The following BABAM2 variants were observed in gnomAD, a reference collection of about 807,000 sequenced individuals.
The protein encoded by BABAM2 is BRISC and BRCA1-A complex member 2.
Under a neutral mutation model 54.7 loss-of-function variants are expected in BABAM2, and 31 were observed. The ratio of observed to expected loss-of-function variants is 0.57; its 90% CI spans 0.43 to 0.77. The LOEUF (loss-of-function observed/expected upper bound fraction) is 0.77, where lower values mean the gene tolerates loss of function less well. Among genes scored for constraint, BABAM2 ranks in the 30% least tolerant of loss-of-function variants. BABAM2 has a pLI of 0.00. For missense variants in BABAM2, 364 were observed against 455.8 expected (o/e 0.80, Z 1.83); for synonymous variants, 167 against 162.9 (o/e 1.03, Z -0.19).
intron 6 of BABAM2, among the ~76,000 whole-genome samples, chr2:28,100,782 G>C (rs1178241785): frequency 6.6e-6 from 1 of 152,206 alleles, no homozygotes; most frequent in African/African-American, 2.4e-5. Context: ...AGTGTGGGCT[G>C]TTGGTCCATG....
At chr2:27,920,640 G>A (rs910952540) in intron 2 of BABAM2, among the ~76,000 whole-genome samples, 5 of 152,156 alleles carry the variant, frequency 3.3e-5, no homozygotes, top group African/African-American at 9.7e-5. Context: ...CTCAGCTGAT[G>A]TTAAATATTG....
At chr2:28,225,526 A>G (rs1168890075) in intron 7 of BABAM2, among the ~76,000 whole-genome samples, 1 of 152,142 alleles carries the variant, frequency 6.6e-6, no homozygotes, top group East Asian at 1.9e-4. Context: ...CTCTTTTTGC[A>G]CTGTGAAAAG....
At position 28,315,421 on chromosome 2, in the gene BABAM2, T is replaced by TTTTTCTTTTCTTTTCTTTTC. The variant is rs3032180; in HGVS notation, c.1088+16976_1088+16995dup. The stretch of plus-strand genomic sequence containing the variant: ...GGTATTTCTTTGTGTGTGTGGTTCT[T>TTTTTCTTTTCTTTTCTTTTC]TTTTCTTTTCTTTTCTTTTCTTTTC... On this transcript the variant is annotated intron_variant, in intron 11 of 11. Coordinates refer to ENST00000379624, the MANE Select transcript of BABAM2 (RefSeq NM_199191.3). Among the ~76,000 whole-genome samples, 416 of 110,198 alleles carry TTTTTCTTTTCTTTTCTTTTC rather than the reference T, an allele frequency of 3.8e-3. 7 individuals are homozygous for TTTTTCTTTTCTTTTCTTTTC. Among genetic ancestry groups the TTTTTCTTTTCTTTTCTTTTC allele is most frequent in the East Asian group, 6.9e-3 (27 of 3,936 alleles). The allele number at this position is 110,198 out of a possible 152,430, so 72.3% of individuals were successfully genotyped here.
intron 11 of BABAM2, among the ~76,000 whole-genome samples, chr2:28,314,294 C>T (rs1051500564): frequency 4.6e-5 from 7 of 152,010 alleles, no homozygotes; most frequent in Non-Finnish European, 7.4e-5. Context: ...AAATTGAGAC[C>T]CTGCAAAAGG....
chr2:28,171,129 A>ATC (rs947774140), intron 7 of BABAM2, among the ~76,000 whole-genome samples: 9 of 151,704 alleles, frequency 5.9e-5, no homozygotes, highest in South Asian at 2.1e-4. Flanking sequence ...ATATATATAT[A>ATC]TCTTGGAGAT....
intron 10 of BABAM2, among the ~76,000 whole-genome samples, chr2:28,265,718 G>A (rs1490703492): frequency 1.3e-5 from 2 of 152,068 alleles, no homozygotes; most frequent in Non-Finnish European, 2.9e-5. Context: ...CTAAGCCTTT[G>A]AGAAAAACAA....
intron 7 of BABAM2, among the ~76,000 whole-genome samples, chr2:28,182,686 C>T (rs1435427263): frequency 6.6e-6 from 1 of 152,240 alleles, no homozygotes; most frequent in Non-Finnish European, 1.5e-5. Context: ...TGTACACCAA[C>T]TGTTGTTTGT....
rs534492795 is a variant in BABAM2, at chr2:27,995,119, G to C, written c.300+7032G>C. Among the ~76,000 whole-genome samples, 1 of 152,148 alleles carries C rather than the reference G, an allele frequency of 6.6e-6. No homozygotes were observed. Among genetic ancestry groups the C allele is most frequent in the East Asian group, 1.9e-4 (1 of 5,186 alleles). On this transcript the variant is annotated intron_variant, in intron 4 of 11. Coordinates refer to ENST00000379624, the MANE Select transcript of BABAM2 (RefSeq NM_199191.3). This position sits in a 1 kb window ranked among gnomAD's most constrained non-coding sequence, Gnocchi z 4.1. ...TTCCTACCTCCTTGTTGGAGAGGGT[G>C]TGGCTGCAGGCTACGGGAAGATGAA...
intron 10 of BABAM2, among the ~76,000 whole-genome samples, chr2:28,273,048 G>C (rs193289960): frequency 1.3e-5 from 2 of 152,302 alleles, no homozygotes; most frequent in East Asian, 3.9e-4. Context: ...GTAAAAATAA[G>C]AGCTAGCACA....
At chr2:28,226,188 G>T (rs1008240229) in intron 7 of BABAM2, among the ~76,000 whole-genome samples, 2 of 152,194 alleles carry the variant, frequency 1.3e-5, no homozygotes, top group African/African-American at 4.8e-5. Context: ...TTGCACTTCA[G>T]CAGGAGAGCT....
intron 11 of BABAM2, among the ~76,000 whole-genome samples, chr2:28,332,596 CAGA>C (rs1691058842): frequency 6.6e-6 from 1 of 152,162 alleles, no homozygotes; most frequent in African/African-American, 2.4e-5. Flanking sequence ...TTGTCCTGGA[CAGA>C]AGGAGAGCTG....
intron 2 of BABAM2, among the ~76,000 whole-genome samples, chr2:27,915,717 G>C (rs898154643): frequency 3.3e-5 from 5 of 152,052 alleles, no homozygotes; most frequent in Admixed American, 1.3e-4. Context: ...TCAGTAACAG[G>C]AAAGGGAATC....
chr2:27,994,616 CAT>C (rs760086233), intron 4 of BABAM2, among the ~76,000 whole-genome samples: 9 of 152,182 alleles, frequency 5.9e-5, no homozygotes, highest in Non-Finnish European at 1.2e-4. Flanking sequence ...GAGTGTCATC[CAT>C]GTAGTTACTT....
intron 7 of BABAM2, among the ~76,000 whole-genome samples, chr2:28,191,724 T>C (rs1435275909): frequency 6.6e-6 from 1 of 152,190 alleles, no homozygotes; most frequent in Admixed American, 6.5e-5. Context: ...CAAATTATAA[T>C]GACAGCAGAA....
chr2:27,930,307 G>A (rs904091221), intron 3 of BABAM2: 3 of 177,020 alleles, frequency 1.7e-5, no homozygotes, highest in Admixed American at 5.7e-5. Flanking sequence ...GCTGCGCCAC[G>A]ACTTGTCACT....
At chr2:28,078,658 G>T (rs1018056552) in intron 6 of BABAM2, among the ~76,000 whole-genome samples, 1 of 152,100 alleles carries the variant, frequency 6.6e-6, no homozygotes, top group African/African-American at 2.4e-5. Flanking sequence ...GATTAGAGTG[G>T]GGTATAGGTT....
intron 11 of BABAM2, among the ~76,000 whole-genome samples, chr2:28,326,698 T>A (rs529671450): frequency 6.6e-6 from 1 of 152,302 alleles, no homozygotes; most frequent in South Asian, 2.1e-4. Context: ...CAGGCATTCA[T>A]TTAGCACCAA....
chr2:28,178,538 C>G (rs1052993233), intron 7 of BABAM2, among the ~76,000 whole-genome samples: 1 of 151,712 alleles, frequency 6.6e-6, no homozygotes, highest in Non-Finnish European at 1.5e-5. Context: ...TAAATGCTTA[C>G]GTCAAAAAGT....
chr2:28,009,626 AT>A (rs959826280), intron 4 of BABAM2, among the ~76,000 whole-genome samples: 36 of 152,186 alleles, frequency 2.4e-4, no homozygotes, highest in Admixed American at 7.2e-4. Flanking sequence ...AGATGCTTTT[AT>A]TTAAGTTTAC....
Sources: allele counts gnomAD v4.1 joint callset (sites outside exome capture counted in the v4.1 genomes callset), GRCh38; gene constraint gnomAD v4.1.1; non-coding constraint Gnocchi (gnomAD v3.1); transcripts MANE v1.5; gene names NCBI Gene and HGNC (gene_info 2026-07-23, HGNC 2026-07-21).